Variants in PPP3R1 observed in about 807,000 individuals in gnomAD.
The protein encoded by PPP3R1 is calcineurin subunit B type 1.
In PPP3R1, 5 loss-of-function variants were observed where a neutral mutation model predicts 22.6. The observed-to-expected ratio is 0.22, with a 90% confidence interval of 0.12 to 0.46. The LOEUF is 0.46. Ranked by LOEUF, PPP3R1 falls within the 20% of genes least tolerant of loss-of-function variation. The pLI, the probability that PPP3R1 is intolerant of heterozygous loss-of-function variation, is 0.99. For missense variants in PPP3R1, 61 were observed against 203.2 expected, an observed-to-expected ratio of 0.30 and a Z score of 4.25; for synonymous variants, 56 against 65.2, an observed-to-expected ratio of 0.86 and a Z score of 0.68.
intron 2 of PPP3R1, among the ~76,000 whole-genome samples, chr2:68,210,462 T>C (rs1321448726): frequency 1.3e-5 from 2 of 152,228 alleles, no homozygotes; most frequent in Admixed American, 6.5e-5. Flanking sequence ...AACTTTATTT[T>C]ACGCAACCAT....
intron 5 of PPP3R1, among the ~76,000 whole-genome samples, chr2:68,182,593 A>G (rs1301505672): frequency 1.3e-5 from 2 of 151,550 alleles, no homozygotes; most frequent in African/African-American, 4.9e-5. Context: ...AGGTGGGCAG[A>G]TCACTTGAGG....
At chr2:68,203,902 C>T (rs1675048382) in intron 2 of PPP3R1, among the ~76,000 whole-genome samples, 1 of 152,178 alleles carries the variant, frequency 6.6e-6, no homozygotes, top group Non-Finnish European at 1.5e-5. Flanking sequence ...GTCTGCCAAG[C>T]TCTTCTTAGG....
At chr2:68,212,017 T>C (rs747092401) in intron 2 of PPP3R1, among the ~76,000 whole-genome samples, 10 of 152,238 alleles carry the variant, frequency 6.6e-5, no homozygotes, top group Non-Finnish European at 1.3e-4. Context: ...ATACTGATAT[T>C]TTGACTTCCC....
At chr2:68,186,825 C>T (rs147384562) in intron 4 of PPP3R1, among the ~76,000 whole-genome samples, 173 bp from the exon 5 acceptor site, 17 of 152,278 alleles carry the variant, frequency 1.1e-4, no homozygotes, top group Admixed American at 2.6e-4. Context: ...GTTAAACGTA[C>T]GGGCTTTTGA....
At chr2:68,238,466 T>C (rs555489518) in intron 1 of PPP3R1, among the ~76,000 whole-genome samples, 20 of 152,154 alleles carry the variant, frequency 1.3e-4, no homozygotes, top group African/African-American at 4.8e-4. Context: ...GGATAAGGAA[T>C]CTGAGAAAGC....
At chr2:68,202,406 TTTGTTG>T (rs71906115) in intron 2 of PPP3R1, among the ~76,000 whole-genome samples, 2,519 of 146,208 alleles carry the variant, frequency 0.017, 70 homozygotes, top group African/African-American at 0.057. Context: ...TTTTTCGTTT[TTTGTTG>T]TTGTTGTTGT....
rs1409428879 is a variant in PPP3R1 at position 68,179,353 on chromosome 2, A to C, written c.*1610T>G. On this transcript the variant is annotated 3_prime_UTR_variant, in exon 6 of 6. Transcript: ENST00000234310. The stretch of plus-strand genomic sequence containing the variant: ...CTTTTAAAATTATGCAAATTATGTA[A>C]ACAAGAGGTACATTTTAAATTGATC... The C allele has an allele frequency of 6.6e-6, 1 of 152,252 alleles. No homozygotes were observed. The highest frequency in any genetic ancestry group is 1.5e-5 in the Non-Finnish European group (1 of 68,034). 9.4% of individuals were successfully genotyped at this position (152,252 alleles called of 1,614,324 possible).
At chr2:68,188,744 T>C (rs1674598844) in intron 2 of PPP3R1, 54 bp from the exon 3 acceptor site, 4 of 1,465,126 alleles carry the variant, frequency 2.7e-6, no homozygotes, top group Non-Finnish European at 3.6e-6. Context: ...TCCCAAATCC[T>C]TTCTAATGGG....
At chr2:68,252,039 C>A (rs1344986305) in intron 1 of PPP3R1, 86 bp downstream of exon 1, 6 of 1,280,220 alleles carry the variant, frequency 4.7e-6, no homozygotes, top group Non-Finnish European at 5.1e-6. Flanking sequence ...GACAGCCGAC[C>A]GGGGGCGTCG....
In PPP3R1 at chr2:68,232,455, CTTA is replaced by C; in HGVS notation, c.4-15327_4-15325del. On this transcript the variant is annotated intron_variant, in intron 1 of 5. Transcript: ENST00000234310. Reference sequence around the variant, plus strand: ...GACTCTTGTCTCAAAAAAAAAAAATCTTATTTAGATTTTGCCATTAGGGAGTAT... The same window carrying C: ...GACTCTTGTCTCAAAAAAAAAAAATCTTTAGATTTTGCCATTAGGGAGTAT... Among the ~76,000 whole-genome samples the C allele has an allele frequency of 3.3e-5, 5 of 149,918 alleles. No individual in the cohort carries two copies. The Middle Eastern group carries it at 0.014, about 408-fold the overall frequency.
intron 1 of PPP3R1, among the ~76,000 whole-genome samples, chr2:68,224,798 T>C (rs1200288973): frequency 1.3e-5 from 2 of 151,474 alleles, no homozygotes; most frequent in Non-Finnish European, 2.9e-5. Context: ...GGTAATTAAA[T>C]GGGGAAAAAA....
chr2:68,216,263 T>C (rs115030389), intron 2 of PPP3R1, among the ~76,000 whole-genome samples: 2,051 of 152,172 alleles, frequency 0.013, 49 homozygotes, highest in African/African-American at 0.046. Flanking sequence ...CATCCAATCT[T>C]TCAAACATTA....
chr2:68,190,152 A>C (rs1476863163), intron 2 of PPP3R1, among the ~76,000 whole-genome samples: 1 of 150,956 alleles, frequency 6.6e-6, no homozygotes, highest in Non-Finnish European at 1.5e-5. Flanking sequence ...ATTAGTTCAC[A>C]CGTAATTCGT....
chr2:68,196,858 G>A (rs183148690), intron 2 of PPP3R1, among the ~76,000 whole-genome samples: 1 of 152,178 alleles, frequency 6.6e-6, no homozygotes, highest in East Asian at 1.9e-4. Flanking sequence ...CGGGGTAGCT[G>A]AGATTACAGG....
chr2:68,233,007 A>C (rs555170932), intron 1 of PPP3R1, among the ~76,000 whole-genome samples: 12 of 152,152 alleles, frequency 7.9e-5, no homozygotes, highest in Non-Finnish European at 1.5e-4. Context: ...TACAATCACA[A>C]ACACTTTCTT....
intron 2 of PPP3R1, among the ~76,000 whole-genome samples, chr2:68,193,129 C>G (rs1674700150): frequency 6.6e-6 from 1 of 152,162 alleles, no homozygotes; most frequent in Non-Finnish European, 1.5e-5. Flanking sequence ...GATATCTGCT[C>G]TGGATGAGTA....
At chr2:68,220,177 A>C (rs1180379253) in intron 1 of PPP3R1, among the ~76,000 whole-genome samples, 2 of 152,242 alleles carry the variant, frequency 1.3e-5, no homozygotes, top group African/African-American at 2.4e-5. Context: ...CAGCACAGGA[A>C]CAGAGAACAG....
intron 5 of PPP3R1, among the ~76,000 whole-genome samples, chr2:68,185,234 A>G (rs537222211): frequency 1.3e-5 from 2 of 149,702 alleles, no homozygotes; most frequent in African/African-American, 2.4e-5. Context: ...AAAAAAAAAG[A>G]AAGCTTAAAA....
At chr2:68,249,948 A>G (rs1670311810) in intron 1 of PPP3R1, among the ~76,000 whole-genome samples, 3 of 152,222 alleles carry the variant, frequency 2.0e-5, no homozygotes, top group Admixed American at 2.0e-4. Context: ...TTGTATGTTC[A>G]ATTAACCAGA....
Sources: allele counts gnomAD v4.1 joint callset (sites outside exome capture counted in the v4.1 genomes callset), GRCh38; gene constraint gnomAD v4.1.1; transcripts MANE v1.5; gene names NCBI Gene and HGNC (gene_info 2026-07-23, HGNC 2026-07-21).